GKAP1: variants seen among roughly 807,000 people sequenced by gnomAD.
The protein encoded by GKAP1 is G kinase anchoring protein 1.
GKAP1 carries 31 observed loss-of-function variants against 56.7 expected under a neutral mutation model. The ratio of observed to expected loss-of-function variants is 0.55; its 90% CI spans 0.41 to 0.74. The LOEUF is 0.74. Ranked by LOEUF, GKAP1 falls within the 30% of genes least tolerant of loss-of-function variation. GKAP1 has a pLI of 0.00. For synonymous variants in GKAP1, 151 were observed against 138.6 expected, an observed-to-expected ratio of 1.09 and a Z score of -0.63; for missense variants, 364 against 402.3, an observed-to-expected ratio of 0.90 and a Z score of 0.82.
intron 9 of GKAP1, among the ~76,000 whole-genome samples, chr9:83,752,724 C>G (rs150988588): frequency 2.0e-5 from 3 of 152,020 alleles, no homozygotes; most frequent in Admixed American, 1.3e-4. Context: ...TTTACAACAA[C>G]AAAAATAAAT....
intron 7 of GKAP1, among the ~76,000 whole-genome samples, chr9:83,773,376 G>C (rs554651975): frequency 4.6e-5 from 7 of 152,194 alleles, no homozygotes; most frequent in Admixed American, 2.6e-4. Context: ...GTGGGAGTAG[G>C]GATTGACTAC....
intron 5 of GKAP1, among the ~76,000 whole-genome samples, chr9:83,786,587 C>T (rs1312444389): frequency 6.6e-6 from 1 of 151,782 alleles, no homozygotes; most frequent in Non-Finnish European, 1.5e-5. Context: ...AAAGAAAATG[C>T]CATCCCAAAC....
intron 8 of GKAP1, among the ~76,000 whole-genome samples, 167 bp from the exon 9 acceptor site, chr9:83,753,526 A>G (rs1179658798): frequency 6.6e-6 from 1 of 152,216 alleles, no homozygotes; most frequent in Non-Finnish European, 1.5e-5. Flanking sequence ...TAATCCTAAT[A>G]CACAATGCAA....
At chr9:83,762,829 G>A (rs1020306618) in intron 8 of GKAP1, among the ~76,000 whole-genome samples, 4 of 152,144 alleles carry the variant, frequency 2.6e-5, no homozygotes, top group African/African-American at 9.7e-5. Flanking sequence ...ATGGCACTGG[G>A]AAAACTGAAT....
intron 7 of GKAP1, among the ~76,000 whole-genome samples, chr9:83,775,837 T>A (rs1943849776): frequency 1.7e-5 from 2 of 116,010 alleles, no homozygotes. Flanking sequence ...ATCGTGCCAC[T>A]ACACTCCAGC....
chr9:83,786,600 TAGTTA>T, intron 5 of GKAP1, among the ~76,000 whole-genome samples: 1 of 152,262 alleles, frequency 6.6e-6, no homozygotes, highest in South Asian at 2.1e-4. Flanking sequence ...TCCCAAACTT[TAGTTA>T]TCTGTTATAA....
chr9:83,788,804 A>G (rs754728961), intron 4 of GKAP1, 126 bp from the exon 5 acceptor site: 5 of 522,074 alleles, frequency 9.6e-6, no homozygotes, highest in Admixed American at 3.5e-5. Context: ...TGGATTCTCC[A>G]AAGTTATCTA....
At chr9:83,754,280 C>T (rs1018087705) in intron 8 of GKAP1, among the ~76,000 whole-genome samples, 1 of 152,304 alleles carries the variant, frequency 6.6e-6, no homozygotes, top group East Asian at 1.9e-4. Flanking sequence ...TGTCATCTTG[C>T]ACCATATACC....
chr9:83,767,037 A>G (rs558142038), intron 8 of GKAP1, among the ~76,000 whole-genome samples: 14 of 152,344 alleles, frequency 9.2e-5, no homozygotes, highest in Middle Eastern at 3.4e-3. Context: ...ATATAGGGTC[A>G]AGAACAGGTT....
intron 3 of GKAP1, 65 bp downstream of exon 3, chr9:83,806,237 T>C: frequency 1.9e-6 from 2 of 1,027,308 alleles, no homozygotes; most frequent in South Asian, 1.4e-5. Context: ...GGGAACAAGA[T>C]AGTATCTGTT....
At chr9:83,749,511 A>T (rs895614600) in intron 9 of GKAP1, among the ~76,000 whole-genome samples, 1 of 152,200 alleles carries the variant, frequency 6.6e-6, no homozygotes, top group African/African-American at 2.4e-5. Context: ...TACAGGCGTG[A>T]GCCACTGCGC....
intron 3 of GKAP1, among the ~76,000 whole-genome samples, chr9:83,803,901 C>T (rs1165139998): frequency 2.7e-5 from 4 of 146,892 alleles, no homozygotes; most frequent in Admixed American, 1.3e-4. Context: ...GCCTCTGCCC[C>T]GCCGCCCCGT....
At chr9:83,752,188 G>A (rs1943401492) in intron 9 of GKAP1, among the ~76,000 whole-genome samples, 1 of 152,208 alleles carries the variant, frequency 6.6e-6, no homozygotes, top group Non-Finnish European at 1.5e-5. Context: ...CAGATCACAA[G>A]GTCAGGAGTT....
chr9:83,797,170 T>C (rs1209455498), intron 4 of GKAP1, among the ~76,000 whole-genome samples: 1 of 152,212 alleles, frequency 6.6e-6, no homozygotes. Context: ...TGATGTAAAT[T>C]TGCATTATCT....
chr9:83,775,011 C>CTTTT (rs76738284), intron 7 of GKAP1, among the ~76,000 whole-genome samples: 1 of 145,294 alleles, frequency 6.9e-6, no homozygotes, highest in Non-Finnish European at 1.5e-5. Flanking sequence ...CCGGCCCCTT[C>CTTTT]TTTTTTTTTT....
chr9:83,788,518 T>G, intron 5 of GKAP1, 83 bp downstream of exon 5: 1 of 754,638 alleles, frequency 1.3e-6, no homozygotes, highest in South Asian at 1.9e-5. Context: ...ACAGAAAAAT[T>G]TTATGTAAAA....
intron 3 of GKAP1, among the ~76,000 whole-genome samples, chr9:83,803,013 G>T (rs1370888755): frequency 6.6e-6 from 1 of 151,972 alleles, no homozygotes; most frequent in Non-Finnish European, 1.5e-5. Flanking sequence ...GGAGGCTGAG[G>T]TGGGAGGATC....
chr9:83,788,957 C>A (rs529175834), intron 4 of GKAP1: 122 of 227,606 alleles, frequency 5.4e-4, no homozygotes, highest in African/African-American at 2.5e-3. Flanking sequence ...AAAATCTTAC[C>A]AAATAATTGG....
At chr9:83,791,159 T>A (rs1251065207) in intron 4 of GKAP1, among the ~76,000 whole-genome samples, 2 of 152,118 alleles carry the variant, frequency 1.3e-5, no homozygotes, top group Non-Finnish European at 2.9e-5. Flanking sequence ...TCCCAGCACT[T>A]TGGGAGGCCG....
Sources: allele counts gnomAD v4.1 joint callset (sites outside exome capture counted in the v4.1 genomes callset), GRCh38; gene constraint gnomAD v4.1.1; transcripts MANE v1.5; gene names NCBI Gene and HGNC (gene_info 2026-07-23, HGNC 2026-07-21).